The following R3HDM2 variants were observed in gnomAD, a reference collection of about 807,000 sequenced individuals.
R3HDM2 encodes the protein R3H domain-containing protein 2.
A neutral mutation model predicts 124.5 loss-of-function variants in R3HDM2; 38 were observed. The observed-to-expected ratio is 0.31, with a 90% CI of 0.24 to 0.40. R3HDM2 has a LOEUF of 0.40. Ranked by LOEUF, R3HDM2 falls within the 10% of genes least tolerant of loss-of-function variation. R3HDM2 has a pLI of 1.00. For synonymous variants in R3HDM2, 391 were observed against 448.0 expected, an observed-to-expected ratio of 0.87 and a Z score of 1.61; for missense variants, 869 against 1,236.9, an observed-to-expected ratio of 0.70 and a Z score of 4.46.
In R3HDM2 at chr12:57,373,835, T is replaced by TA. The variant is rs577620836; in HGVS notation, c.-36+21913dup. ...TCTCAAAAATAAATAAATAAATAAA[T>TA]AATAATAATAATAAGGGCGTGGTGG... is the stretch of plus-strand genomic sequence containing the variant. On this transcript the variant is annotated intron_variant, in intron 2 of 23. Coordinates refer to ENST00000402412, the MANE Select transcript of R3HDM2 (RefSeq NM_001394031.1). 3.9e-4 allele frequency among the ~76,000 whole-genome samples: 55 copies of TA among 140,100 alleles called. No homozygotes were observed. The East Asian group carries it at 4.1e-3, about 10-fold the overall frequency. 91.9% of individuals were successfully genotyped at this position (140,100 alleles called of 152,430 possible). A position where few individuals can be genotyped will look rare whatever the true frequency, so the allele number is the denominator to read the frequency against.
At chr12:57,335,492 C>CTT (rs34808381) in intron 2 of R3HDM2, among the ~76,000 whole-genome samples, 6 of 111,732 alleles carry the variant, frequency 5.4e-5, no homozygotes, top group East Asian at 2.6e-4. Context: ...GCCCGGCCAC[C>CTT]TTTTTTTTTT....
intron 1 of R3HDM2, among the ~76,000 whole-genome samples, chr12:57,424,472 A>C (rs2070518598): frequency 6.6e-6 from 1 of 151,850 alleles, no homozygotes. Flanking sequence ...ATATATTTCA[A>C]ATGTACCTAC....
chr12:57,338,106 C>A (rs897275065), intron 2 of R3HDM2, among the ~76,000 whole-genome samples: 12 of 152,160 alleles, frequency 7.9e-5, no homozygotes, highest in African/African-American at 2.9e-4. Context: ...GAGTTCAAGA[C>A]CAGCCTGACC....
intron 2 of R3HDM2, among the ~76,000 whole-genome samples, chr12:57,311,407 T>C (rs919737631): frequency 5.3e-5 from 8 of 151,894 alleles, no homozygotes; most frequent in Admixed American, 6.6e-5. Flanking sequence ...TTCTATTTTT[T>C]AGTACAGACA....
chr12:57,285,344 G>A (rs1487761307), intron 12 of R3HDM2, among the ~76,000 whole-genome samples: 1 of 151,992 alleles, frequency 6.6e-6, no homozygotes, highest in Non-Finnish European at 1.5e-5. Context: ...CCTTCTTTTA[G>A]GTTTTAGTCA....
chr12:57,353,422 C>T (rs1220627922), intron 2 of R3HDM2, among the ~76,000 whole-genome samples: 2 of 152,124 alleles, frequency 1.3e-5, no homozygotes, highest in South Asian at 2.1e-4. Context: ...CCACACCCAA[C>T]AGACCACCAA....
intron 3 of R3HDM2, among the ~76,000 whole-genome samples, chr12:57,304,031 A>G (rs1390692886): frequency 1.3e-5 from 2 of 152,174 alleles, no homozygotes; most frequent in Non-Finnish European, 2.9e-5. Flanking sequence ...CACTTATAAT[A>G]TCTTTATAGG....
At chr12:57,268,844 T>A in intron 17 of R3HDM2, 78 bp downstream of exon 17, 4 of 1,502,930 alleles carry the variant, frequency 2.7e-6, no homozygotes, top group Non-Finnish European at 3.6e-6. Context: ...GAGTTTTTAG[T>A]ATGGATGACC....
chr12:57,281,121 T>C (rs963197795), intron 13 of R3HDM2, among the ~76,000 whole-genome samples: 9 of 151,866 alleles, frequency 5.9e-5, no homozygotes, highest in Admixed American at 5.9e-4. Flanking sequence ...ACTCCGTCTC[T>C]ACTGAAAATA....
chr12:57,373,316 T>C (rs1329290821), intron 2 of R3HDM2, among the ~76,000 whole-genome samples: 1 of 151,218 alleles, frequency 6.6e-6, no homozygotes, highest in Non-Finnish European at 1.5e-5. Context: ...CTGGCTAGCA[T>C]GGTGAAACCC....
chr12:57,418,097 G>T, intron 1 of R3HDM2: 1 of 926,414 alleles, frequency 1.1e-6, no homozygotes, highest in Non-Finnish European at 1.3e-6. Context: ...TTCCAAAAGT[G>T]AACTCTCTAC....
intron 1 of R3HDM2, among the ~76,000 whole-genome samples, chr12:57,396,899 C>T (rs1424561416): frequency 2.6e-5 from 4 of 152,114 alleles, no homozygotes; most frequent in Non-Finnish European, 5.9e-5. Context: ...CGAGATCAGC[C>T]TGGCCAATAT....
chr12:57,392,783 G>A (rs919866919), intron 2 of R3HDM2, among the ~76,000 whole-genome samples: 1 of 149,268 alleles, frequency 6.7e-6, no homozygotes, highest in Admixed American at 6.8e-5. Context: ...TGGGAGCCCA[G>A]CAGTTCAATT....
rs12312858 is a variant in R3HDM2, at chr12:57,397,980, G to A, written c.-105-2162C>T. Among the ~76,000 whole-genome samples, 1,237 of 152,168 alleles carry A rather than the reference G, an allele frequency of 8.1e-3. 16 individuals carry two copies. Among genetic ancestry groups the A allele is most frequent in the African/African-American group, 0.028 (1,154 of 41,528 alleles). ...GGGCGAATCACGAGCTCAGGAGTTC[G>A]AGACCAGCCTGGCCAACACAGTGAA... On this transcript the variant is annotated intron_variant, in intron 1 of 23. Transcript: ENST00000402412.
chr12:57,269,475 G>C (rs1470585504), intron 15 of R3HDM2, 26 bp from the exon 16 acceptor site: 1 of 1,609,976 alleles, frequency 6.2e-7, no homozygotes, highest in Non-Finnish European at 8.5e-7. Context: ...ACAGATGTGT[G>C]AGAAGTCCCT....
intron 14 of R3HDM2, among the ~76,000 whole-genome samples, chr12:57,278,770 T>C (rs948802526): frequency 1.3e-5 from 2 of 152,200 alleles, no homozygotes; most frequent in Non-Finnish European, 2.9e-5. Flanking sequence ...CTGCAATGAC[T>C]TGCATGCAAA....
chr12:57,419,797 G>A (rs1054215395), intron 1 of R3HDM2, among the ~76,000 whole-genome samples: 2 of 151,846 alleles, frequency 1.3e-5, no homozygotes, highest in Non-Finnish European at 2.9e-5. Context: ...GTATCTGCTT[G>A]AAATGCTCCC....
chr12:57,341,329 C>G (rs1330991640), intron 2 of R3HDM2: 1 of 815,698 alleles, frequency 1.2e-6, no homozygotes, highest in African/African-American at 1.9e-5. Context: ...ACTTTGGCTT[C>G]AGCTCTATTC....
intron 2 of R3HDM2, chr12:57,341,438 G>C: frequency 1.0e-6 from 1 of 983,766 alleles, no homozygotes; most frequent in South Asian, 4.7e-5. Flanking sequence ...CCTCTCAGAA[G>C]AAAAAGACTG....
Sources: gnomAD v4.1 joint callset for allele counts (sites outside exome capture counted in the v4.1 genomes callset) on GRCh38, gnomAD v4.1.1 for gene constraint, MANE v1.5 for transcripts, NCBI Gene and HGNC (gene_info 2026-07-23, HGNC 2026-07-21) for gene names.